Variants in AP3S2 observed in about 807,000 individuals in gnomAD.
The protein encoded by AP3S2 is AP-3 complex subunit sigma-2.
Under a neutral mutation model 23.4 loss-of-function variants are expected in AP3S2, and 22 were observed. The ratio of observed to expected loss-of-function variants is 0.94; its 90% CI spans 0.67 to 1.34. The LOEUF (loss-of-function observed/expected upper bound fraction) is 1.34, where lower values mean the gene tolerates loss of function less well. Ranked by LOEUF, AP3S2 falls within the 40% of genes most tolerant of loss-of-function variation. The pLI is 0.00. For synonymous variants in AP3S2, 86 were observed against 87.1 expected (o/e 0.99, Z 0.07); for missense variants, 241 against 236.9 (o/e 1.02, Z -0.11).
In AP3S2 at chr15:89,837,834, C is replaced by T. The variant is rs111892158; in HGVS notation, c.346-112G>A. On this transcript the variant is annotated intron_variant, in intron 4 of 5. Transcript: ENST00000336418. Reference sequence around the variant, plus strand: ...AGTGGTCAGATATGACCTGTCCTGACTCACAACTCAGACACTCAAACCCCC... The same window carrying T: ...AGTGGTCAGATATGACCTGTCCTGATTCACAACTCAGACACTCAAACCCCC... 4.4e-5 allele frequency: 56 copies of T among 1,274,592 alleles called. 1 individual carries two copies. In the African/African-American group the frequency reaches 5.7e-4, roughly 13 times the overall value. The allele number at this position is 1,274,592 out of a possible 1,614,324, so 79.0% of individuals were successfully genotyped here. A position where few individuals can be genotyped will look rare whatever the true frequency, so the allele number is the denominator to read the frequency against.
In AP3S2 at chr15:89,833,861, A is replaced by G. The variant is rs1213061294; in HGVS notation, c.*1654T>C. The G allele has an allele frequency of 6.6e-6, 1 of 152,260 alleles. No homozygotes were observed. The highest frequency in any genetic ancestry group is 2.4e-5 in the African/African-American group (1 of 41,450). 9.4% of individuals were successfully genotyped at this position (152,260 alleles called of 1,614,324 possible). A position where few individuals can be genotyped will look rare whatever the true frequency, so the allele number is the denominator to read the frequency against. On this transcript the variant is annotated 3_prime_UTR_variant, in exon 6 of 6. Transcript: ENST00000336418. Reference sequence around the variant, plus strand: ...AAAAATGGAAAACAAGGTGGCCCTGACACCGGGTGCTGCTGGGCACCCTCT... The same window carrying G: ...AAAAATGGAAAACAAGGTGGCCCTGGCACCGGGTGCTGCTGGGCACCCTCT...
At chr15:89,883,330 C>T (rs1896615911) in intron 3 of AP3S2, among the ~76,000 whole-genome samples, 1 of 152,034 alleles carries the variant, frequency 6.6e-6, no homozygotes, top group South Asian at 2.1e-4. Context: ...TACTATGTCA[C>T]TTCTTCATTT....
At chr15:89,889,271 G>T in intron 1 of AP3S2, 131 bp from the exon 2 acceptor site, 1 of 936,444 alleles carries the variant, frequency 1.1e-6, no homozygotes, top group Non-Finnish European at 1.6e-6. Flanking sequence ...TTCTAGAAAT[G>T]ATAAAAATGA....
At chr15:89,840,086 T>G (rs1367835426) in intron 4 of AP3S2, among the ~76,000 whole-genome samples, 2 of 152,188 alleles carry the variant, frequency 1.3e-5, no homozygotes, top group Admixed American at 6.5e-5. Flanking sequence ...TTGTTTAATG[T>G]GTACAGAGGT....
intron 4 of AP3S2, among the ~76,000 whole-genome samples, chr15:89,842,826 T>C (rs1895363371): frequency 6.6e-6 from 1 of 152,204 alleles, no homozygotes; most frequent in Non-Finnish European, 1.5e-5. Context: ...TTGGCCAGGA[T>C]GGTCTGCATC....
chr15:89,849,232 A>C (rs1480187591), intron 4 of AP3S2, among the ~76,000 whole-genome samples: 1 of 152,210 alleles, frequency 6.6e-6, no homozygotes, highest in East Asian at 1.9e-4. Flanking sequence ...ATCACCATTA[A>C]ATCATTTTAA....
chr15:89,831,511 T>C lies in AP3S2; in HGVS notation c.*4004A>G, dbSNP rs1005662006. ...CCCCTACTACCGATCTTAATACCCA[T>C]GTACCAATCATTGCTGCATCCTATT... On this transcript the variant is annotated 3_prime_UTR_variant, in exon 6 of 6. Transcript: ENST00000336418. 6.6e-6 allele frequency: 1 copy of C among 152,272 alleles called. No individual in the cohort carries two copies. Among genetic ancestry groups the C allele is most frequent in the Non-Finnish European group, 1.5e-5 (1 of 68,058 alleles). The allele number at this position is 152,272 out of a possible 1,614,324, so 9.4% of individuals were successfully genotyped here. A position where few individuals can be genotyped will look rare whatever the true frequency, so the allele number is the denominator to read the frequency against.
chr15:89,843,410 G>T (rs1479590306), intron 4 of AP3S2, among the ~76,000 whole-genome samples: 2 of 151,978 alleles, frequency 1.3e-5, no homozygotes. Flanking sequence ...GGCCAAGGTG[G>T]GTGGATCATT....
At chr15:89,877,766 G>A (rs1896477440) in intron 3 of AP3S2, among the ~76,000 whole-genome samples, 2 of 151,956 alleles carry the variant, frequency 1.3e-5, no homozygotes, top group African/African-American at 4.8e-5. Flanking sequence ...CTGTACTCCA[G>A]TCTGGGCAAC....
intron 4 of AP3S2, among the ~76,000 whole-genome samples, chr15:89,851,459 C>A (rs1018283680): frequency 6.6e-6 from 1 of 152,160 alleles, no homozygotes; most frequent in African/African-American, 2.4e-5. Flanking sequence ...CTGCCTCAGC[C>A]TCCTGAGTAA....
In AP3S2 at chr15:89,833,256, G is replaced by C. The variant is rs981725620; in HGVS notation, c.*2259C>G. On this transcript the variant is annotated 3_prime_UTR_variant, in exon 6 of 6. Coordinates refer to ENST00000336418, the MANE Select transcript of AP3S2 (RefSeq NM_005829.5). ...CTTTGGCTCTTATACTCTATGACAT[G>C]ATCACTGGCCACCTTAGAAAATCAA... 6 of 152,206 alleles carry C rather than the reference G, an allele frequency of 3.9e-5. No individual in the cohort carries two copies. The highest frequency in any genetic ancestry group is 7.3e-5 in the Non-Finnish European group (5 of 68,034). The allele number at this position is 152,206 out of a possible 1,614,324, so 9.4% of individuals were successfully genotyped here. A position where few individuals can be genotyped will look rare whatever the true frequency, so the allele number is the denominator to read the frequency against.
At chr15:89,867,069 C>T (rs1896146756) in intron 4 of AP3S2, among the ~76,000 whole-genome samples, 1 of 142,954 alleles carries the variant, frequency 7.0e-6, no homozygotes, top group African/African-American at 2.6e-5. Flanking sequence ...CCCTCTCATG[C>T]GGAGCCGAAG....
At chr15:89,843,757 A>T (rs1298386141) in intron 4 of AP3S2, among the ~76,000 whole-genome samples, 1 of 152,164 alleles carries the variant, frequency 6.6e-6, no homozygotes, top group African/African-American at 2.4e-5. Context: ...ACAGTGAGCC[A>T]AGATCGTGCC....
intron 4 of AP3S2, among the ~76,000 whole-genome samples, chr15:89,839,917 G>A (rs114431807): frequency 1.0e-3 from 158 of 151,864 alleles, no homozygotes; most frequent in African/African-American, 3.6e-3. Flanking sequence ...AATGTAACAC[G>A]GATGAACCTT....
intron 3 of AP3S2, 28 bp downstream of exon 3, chr15:89,888,493 G>A (rs1216286669): frequency 6.2e-7 from 1 of 1,607,320 alleles, no homozygotes; most frequent in East Asian, 2.2e-5. Context: ...CTCTAAAGCT[G>A]CTGCCATCAT....
intron 3 of AP3S2, among the ~76,000 whole-genome samples, chr15:89,874,711 A>C (rs920111056): frequency 2.0e-5 from 3 of 152,290 alleles, no homozygotes; most frequent in African/African-American, 7.2e-5. Flanking sequence ...GAGCCCAGGA[A>C]TTCAAGGTTG....
intron 4 of AP3S2, among the ~76,000 whole-genome samples, chr15:89,864,486 T>G (rs1896072429): frequency 6.6e-6 from 1 of 152,178 alleles, no homozygotes; most frequent in Non-Finnish European, 1.5e-5. Context: ...GGTGACAGGA[T>G]GAAAGCTTCC....
At chr15:89,853,721 C>A (rs55731937) in intron 4 of AP3S2, among the ~76,000 whole-genome samples, 1 of 129,660 alleles carries the variant, frequency 7.7e-6, no homozygotes, top group African/African-American at 3.0e-5. Flanking sequence ...TCTGCCCGGC[C>A]GCCCATCGTC....
intron 4 of AP3S2, among the ~76,000 whole-genome samples, chr15:89,863,266 T>TA (rs1896045704): frequency 6.6e-6 from 1 of 152,084 alleles, no homozygotes; most frequent in Non-Finnish European, 1.5e-5. Context: ...AAAGTAGAAT[T>TA]AAAGACTGGG....
Sources: gnomAD v4.1 joint callset for allele counts (sites outside exome capture counted in the v4.1 genomes callset) on GRCh38, gnomAD v4.1.1 for gene constraint, MANE v1.5 for transcripts, NCBI Gene and HGNC (gene_info 2026-07-23, HGNC 2026-07-21) for gene names.